The following SEMA5A variants were observed in gnomAD, a reference collection of about 807,000 sequenced individuals.
SEMA5A encodes semaphorin-5A.
A neutral mutation model predicts 135.5 loss-of-function variants in SEMA5A; 55 were observed. The ratio of observed to expected loss-of-function variants is 0.41; its 90% CI spans 0.33 to 0.51. The LOEUF (loss-of-function observed/expected upper bound fraction) is 0.51, where lower values mean the gene tolerates loss of function less well. SEMA5A is among the 20% of genes least tolerant of loss of function. The pLI is 0.37. For missense variants in SEMA5A, 1,290 were observed against 1,419.9 expected (o/e 0.91, Z 1.47); for synonymous variants, 580 against 546.5 (o/e 1.06, Z -0.85).
In SEMA5A at chr5:9,054,157, C is replaced by A. The variant is rs79460840; in HGVS notation, c.2619G>T (p.Pro873=). 24 of 1,613,884 alleles carry A rather than the reference C, an allele frequency of 1.5e-5. No homozygotes were observed. The African/African-American group carries it at 2.1e-4, about 14-fold the overall frequency. ...CCAGGCAGATGTCCCCTCCATAGGC[C>A]GGGGCTGGATTGGAGCAAGAGCGGG... ...MRTRSCSNPA[P]AYGGDICLGL... The change falls in exon 19 of 23, where the codon CCG becomes CCT. Residue 873 remains proline (P), a synonymous_variant. Coordinates refer to ENST00000382496, the MANE Select transcript of SEMA5A (RefSeq NM_003966.3).
At chr5:9,455,079 G>A (rs1048517463) in intron 1 of SEMA5A, among the ~76,000 whole-genome samples, 3 of 152,068 alleles carry the variant, frequency 2.0e-5, no homozygotes, top group African/African-American at 7.2e-5. Flanking sequence ...AAACTCAAGA[G>A]TTACAAATAG....
At chr5:9,525,597 A>G (rs1244763991) in intron 1 of SEMA5A, among the ~76,000 whole-genome samples, 1 of 152,176 alleles carries the variant, frequency 6.6e-6, no homozygotes, top group East Asian at 1.9e-4. Context: ...GAGCCTTTTC[A>G]ACCAATCTGC....
At chr5:9,229,619 G>C (rs781245534) in intron 6 of SEMA5A, among the ~76,000 whole-genome samples, 25 of 152,068 alleles carry the variant, frequency 1.6e-4, no homozygotes, top group Non-Finnish European at 2.9e-4. Flanking sequence ...CATAAGGACT[G>C]GGATGGAAAA....
At chr5:9,190,080 T>C (rs949864439) in intron 11 of SEMA5A, among the ~76,000 whole-genome samples, 187 bp downstream of exon 11, 3 of 152,110 alleles carry the variant, frequency 2.0e-5, no homozygotes, top group African/African-American at 7.2e-5. Flanking sequence ...ATAGTGAAAA[T>C]AGATTGAGAT....
At chr5:9,337,292 G>C (rs1246257372) in intron 4 of SEMA5A, among the ~76,000 whole-genome samples, 1 of 152,202 alleles carries the variant, frequency 6.6e-6, no homozygotes, top group Non-Finnish European at 1.5e-5. Context: ...AATATAGTGG[G>C]AAGTCAGGAA....
intron 3 of SEMA5A, among the ~76,000 whole-genome samples, chr5:9,367,715 T>C (rs1754976335): frequency 6.6e-6 from 1 of 152,212 alleles, no homozygotes; most frequent in African/African-American, 2.4e-5. Flanking sequence ...AGTCTGGTTG[T>C]TTCTTCTCTC....
intron 2 of SEMA5A, among the ~76,000 whole-genome samples, chr5:9,406,276 A>G (rs1267093913): frequency 2.6e-5 from 4 of 152,256 alleles, no homozygotes; most frequent in African/African-American, 9.6e-5. Context: ...TGAAATAAAG[A>G]AAAGATAACA....
chr5:9,036,099 T>C lies in SEMA5A; in HGVS notation c.*6798A>G, dbSNP rs1301966415. The C allele has an allele frequency of 1.3e-5, 2 of 152,168 alleles. No homozygotes were observed. Among genetic ancestry groups the C allele is most frequent in the South Asian group, 2.1e-4 (1 of 4,824 alleles). 9.4% of individuals were successfully genotyped at this position (152,168 alleles called of 1,614,324 possible). A position where few individuals can be genotyped will look rare whatever the true frequency, so the allele number is the denominator to read the frequency against. On this transcript the variant is annotated 3_prime_UTR_variant, in exon 23 of 23. Coordinates refer to ENST00000382496, the MANE Select transcript of SEMA5A (RefSeq NM_003966.3). ...AAGCGGCATAGCACAAAAGTTTTGCTATGCACTTTTGAAGAATCCAACATT... is the reference window on the plus strand; with the variant it reads ...AAGCGGCATAGCACAAAAGTTTTGCCATGCACTTTTGAAGAATCCAACATT...
chr5:9,473,383 T>TAAAAA (rs58137756), intron 1 of SEMA5A, among the ~76,000 whole-genome samples: 37,843 of 79,226 alleles, frequency 0.48, 10,436 homozygotes, highest in Middle Eastern at 0.59. Context: ...CAATCAGTGG[T>TAAAAA]AAAAAAAAAA....
At chr5:9,421,165 G>T (rs916604924) in intron 2 of SEMA5A, among the ~76,000 whole-genome samples, 2 of 152,138 alleles carry the variant, frequency 1.3e-5, no homozygotes, top group African/African-American at 4.8e-5. Context: ...ACTGCCTTCT[G>T]TATCTTCCTC....
intron 15 of SEMA5A, among the ~76,000 whole-genome samples, chr5:9,112,717 C>T (rs559055388): frequency 4.6e-5 from 7 of 152,190 alleles, no homozygotes; most frequent in African/African-American, 1.2e-4. Flanking sequence ...ACATGTTCCC[C>T]GTGATCCCCA....
At chr5:9,523,231 G>A (rs1438701926) in intron 1 of SEMA5A, 2 of 152,042 alleles carry the variant, frequency 1.3e-5, no homozygotes, top group African/African-American at 2.4e-5. Context: ...CACAGCACCC[G>A]GGCAATGGCG....
At chr5:9,409,362 C>G (rs1757019128) in intron 2 of SEMA5A, among the ~76,000 whole-genome samples, 1 of 152,204 alleles carries the variant, frequency 6.6e-6, no homozygotes, top group Non-Finnish European at 1.5e-5. Context: ...AGTCCAAAGC[C>G]CTTCTCAGGC....
In SEMA5A at chr5:9,417,544, A is replaced by G. The variant is rs560918629; in HGVS notation, c.-78+20212T>C. On this transcript the variant is annotated intron_variant, in intron 2 of 22. Coordinates refer to ENST00000382496, the MANE Select transcript of SEMA5A (RefSeq NM_003966.3). ...AATGCAGGACCCAGTGATTACTTCT[A>G]TTACTTCTGGTAGTTCTCAAAGTTA... Among the ~76,000 whole-genome samples the G allele has an allele frequency of 2.4e-4, 37 of 152,296 alleles. No individual in the cohort carries two copies. The South Asian group carries it at 7.5e-3, about 31-fold the overall frequency.
At chr5:9,257,943 G>T (rs909499453) in intron 5 of SEMA5A, among the ~76,000 whole-genome samples, 1 of 152,270 alleles carries the variant, frequency 6.6e-6, no homozygotes, top group East Asian at 1.9e-4. Context: ...GAGGGTGTTA[G>T]GGTGTTTTGT....
chr5:9,052,752 C>T (rs2150045837), intron 19 of SEMA5A, among the ~76,000 whole-genome samples: 1 of 151,578 alleles, frequency 6.6e-6, no homozygotes, highest in South Asian at 2.1e-4. Flanking sequence ...TGAAATTCAC[C>T]CAGGCATACA....
At chr5:9,495,184 C>G (rs1447840408) in intron 1 of SEMA5A, among the ~76,000 whole-genome samples, 1 of 152,144 alleles carries the variant, frequency 6.6e-6, no homozygotes, top group Non-Finnish European at 1.5e-5. Flanking sequence ...ACTTCGATAT[C>G]TTCAGGGATA....
chr5:9,353,241 A>AAAGGGAAGGG (rs149895165), intron 3 of SEMA5A, among the ~76,000 whole-genome samples: 3 of 95,234 alleles, frequency 3.2e-5, no homozygotes, highest in Admixed American at 1.2e-4. Flanking sequence ...GAAAGGAAGG[A>AAAGGGAAGGG]AAGGGAAGGG....
At chr5:9,127,052 CT>C (rs1263929401) in intron 13 of SEMA5A, among the ~76,000 whole-genome samples, 6 of 152,260 alleles carry the variant, frequency 3.9e-5, no homozygotes, top group African/African-American at 1.4e-4. Context: ...GTAAGTTTTC[CT>C]TGCCTCAAAA....
Sources: gnomAD v4.1 joint callset for allele counts (sites outside exome capture counted in the v4.1 genomes callset) on GRCh38, gnomAD v4.1.1 for gene constraint, MANE v1.5 for transcripts, NCBI Gene and HGNC (gene_info 2026-07-23, HGNC 2026-07-21) for gene names.